ADAMTSL3: variants seen among roughly 807,000 people sequenced by gnomAD.
ADAMTSL3 encodes the protein ADAMTS like 3.
In ADAMTSL3, 128 loss-of-function variants were observed where a neutral mutation model predicts 201.7. The observed-to-expected ratio is 0.63, with a 90% CI of 0.55 to 0.73. ADAMTSL3 has a LOEUF of 0.73. Among genes scored for constraint, ADAMTSL3 ranks in the 30% least tolerant of loss-of-function variants. ADAMTSL3 has a pLI of 0.00. For synonymous variants in ADAMTSL3, 738 were observed against 748.4 expected (o/e 0.99, Z 0.23); for missense variants, 1,990 against 2,119.6 (o/e 0.94, Z 1.20).
intron 15 of ADAMTSL3, among the ~76,000 whole-genome samples, chr15:83,910,314 CCTTT>C (rs2065908159): frequency 1.3e-5 from 2 of 150,736 alleles, no homozygotes; most frequent in Admixed American, 6.6e-5. Flanking sequence ...TCAATGTATT[CCTTT>C]CTTTCTTTAA....
At chr15:83,733,163 C>T (rs572406767) in intron 3 of ADAMTSL3, among the ~76,000 whole-genome samples, 7 of 152,206 alleles carry the variant, frequency 4.6e-5, no homozygotes, top group Admixed American at 3.9e-4. Flanking sequence ...CCCTCCGAAA[C>T]AAAAATGAAC....
intron 2 of ADAMTSL3, among the ~76,000 whole-genome samples, chr15:83,692,664 C>T (rs868069913): frequency 1.2e-4 from 15 of 125,824 alleles, no homozygotes; most frequent in Middle Eastern, 0.01. Context: ...CCAGCCTGGG[C>T]GACAGAGCGA....
intron 17 of ADAMTSL3, among the ~76,000 whole-genome samples, chr15:83,939,723 C>G (rs4842925): frequency 1 from 152,036 of 152,048 alleles, 76,012 homozygotes; most frequent in Non-Finnish European, 1. Flanking sequence ...CTGGGTTCAA[C>G]CAGTTCTCAT....
chr15:83,679,171 T>C (rs1406079463), intron 2 of ADAMTSL3, among the ~76,000 whole-genome samples: 2 of 152,032 alleles, frequency 1.3e-5, no homozygotes, highest in East Asian at 3.8e-4. Flanking sequence ...TTCAGTTCTG[T>C]AATTTCTATT....
intron 2 of ADAMTSL3, among the ~76,000 whole-genome samples, chr15:83,698,547 G>C (rs1187026325): frequency 6.6e-6 from 1 of 152,146 alleles, no homozygotes; most frequent in Non-Finnish European, 1.5e-5. Context: ...ATCCAGGCTT[G>C]TTCCTCCTGC....
At chr15:83,862,135 A>G (rs2064876709) in intron 8 of ADAMTSL3, 1 of 152,226 alleles carries the variant, frequency 6.6e-6, no homozygotes, top group Admixed American at 6.5e-5. Context: ...GACCAAATCT[A>G]CGTCTGATTG....
chr15:83,797,399 G>A (rs147326145), intron 4 of ADAMTSL3, among the ~76,000 whole-genome samples: 13 of 152,178 alleles, frequency 8.5e-5, no homozygotes, highest in South Asian at 6.2e-4. Context: ...GATCACTTGC[G>A]GTCAGGAGTT....
intron 27 of ADAMTSL3, 81 bp from the exon 28 acceptor site, chr15:84,031,254 C>T: frequency 7.2e-7 from 1 of 1,385,182 alleles, no homozygotes; most frequent in South Asian, 1.2e-5. Context: ...CTTCAGCTAT[C>T]CTGCCTCAGT....
chr15:83,739,573 T>C (rs1454887009), intron 3 of ADAMTSL3, among the ~76,000 whole-genome samples: 1 of 151,698 alleles, frequency 6.6e-6, no homozygotes, highest in Non-Finnish European at 1.5e-5. Context: ...TCTTTTTACG[T>C]ATATGAAACT....
chr15:83,772,698 G>A (rs2141749382), intron 3 of ADAMTSL3, among the ~76,000 whole-genome samples: 1 of 136,490 alleles, frequency 7.3e-6, no homozygotes, highest in East Asian at 2.4e-4. Context: ...TTTCACTCAT[G>A]AGCACTTCTT....
intron 2 of ADAMTSL3, among the ~76,000 whole-genome samples, chr15:83,689,516 TA>T (rs2061584287): frequency 6.6e-6 from 1 of 152,238 alleles, no homozygotes. Context: ...TTCTGCTCAG[TA>T]TTGTAGTTTT....
At position 83,709,245 on chromosome 15, in the gene ADAMTSL3, G is replaced by A. The variant is rs149331423; in HGVS notation, c.189+4737G>A. Among the ~76,000 whole-genome samples, 6 of 152,112 alleles carry A rather than the reference G, an allele frequency of 3.9e-5. No homozygotes were observed. In the East Asian group the frequency reaches 1.2e-3, roughly 29 times the overall value. On this transcript the variant is annotated intron_variant, in intron 3 of 29. Transcript: ENST00000286744. ...AAGCCACAATTTTTTTTTGAAGCTTGAGTGAAACATTAACTGAAATTAAAA... is the reference window on the plus strand; with the variant it reads ...AAGCCACAATTTTTTTTTGAAGCTTAAGTGAAACATTAACTGAAATTAAAA...
rs528470391 is a variant in ADAMTSL3, at chr15:83,764,149, C to T, written c.190-9374C>T. Among the ~76,000 whole-genome samples, 16 of 152,324 alleles carry T rather than the reference C, an allele frequency of 1.1e-4. No individual in the cohort carries two copies. In the South Asian group the frequency reaches 3.3e-3, roughly 32 times the overall value. The stretch of plus-strand genomic sequence containing the variant: ...TGAACTTTGCATCTATGCTCTCCTC[C>T]TCCAGACACTGGTAAATCTAGTCTA... On this transcript the variant is annotated intron_variant, in intron 3 of 29. Transcript: ENST00000286744.
At chr15:83,813,535 G>A (rs2063728875) in intron 5 of ADAMTSL3, among the ~76,000 whole-genome samples, 2 of 152,234 alleles carry the variant, frequency 1.3e-5, no homozygotes, top group Admixed American at 6.5e-5. Context: ...CACTCCTGGT[G>A]TGCAGGAGAT....
intron 7 of ADAMTSL3, among the ~76,000 whole-genome samples, chr15:83,855,108 A>C (rs748172403): frequency 5.3e-5 from 8 of 152,268 alleles, no homozygotes; most frequent in African/African-American, 1.9e-4. Context: ...GTAATTGACA[A>C]CTTTGTTCTG....
At chr15:83,752,488 TAC>T (rs762265955) in intron 3 of ADAMTSL3, among the ~76,000 whole-genome samples, 8 of 151,324 alleles carry the variant, frequency 5.3e-5, no homozygotes, top group Admixed American at 1.3e-4. Context: ...TGCTTATGCA[TAC>T]ACACACACAC....
At position 83,913,206 on chromosome 15, in the gene ADAMTSL3, C is replaced by G. The variant is rs147313608; in HGVS notation, c.1815C>G (p.Pro605=). The G allele has an allele frequency of 4.3e-6, 7 of 1,613,932 alleles. No homozygotes were observed. Among genetic ancestry groups the G allele is most frequent in the East Asian group, 2.2e-5 (1 of 44,882 alleles). ...LTFTQTETEL[P]EEECEGPKLP... ...TCACGCAGACTGAGACTGAGCTGCCCGAGGAAGAGTGTGAAGGCCCCAAGC... is the reference window on the plus strand; with the variant it reads ...TCACGCAGACTGAGACTGAGCTGCCGGAGGAAGAGTGTGAAGGCCCCAAGC... Residue 605 remains proline, a synonymous_variant, in exon 16 of 30, where the codon CCC becomes CCG. Transcript: ENST00000286744.
chr15:83,808,070 A>G (rs1408191535), intron 5 of ADAMTSL3, among the ~76,000 whole-genome samples: 5 of 152,190 alleles, frequency 3.3e-5, no homozygotes, highest in African/African-American at 1.2e-4. Context: ...ATGACGTTGG[A>G]CTGGGTAAGG....
Position 83,886,464 on chromosome 15 carries a change from C to T in ADAMTSL3, c.1072+1252C>T, listed in dbSNP as rs574252047. 5.9e-5 allele frequency among the ~76,000 whole-genome samples: 9 copies of T among 152,318 alleles called. No individual in the cohort carries two copies. In the East Asian group the frequency reaches 1.7e-3, roughly 29 times the overall value. On this transcript the variant is annotated intron_variant, in intron 10 of 29. Coordinates refer to ENST00000286744, the MANE Select transcript of ADAMTSL3 (RefSeq NM_207517.3). ...ACACTTAGAAAGTGTAAAGAGCATA[C>T]AGTAGTATCTTGTTCAGCTAGTAAA...
Sources: allele counts gnomAD v4.1 joint callset (sites outside exome capture counted in the v4.1 genomes callset), GRCh38; gene constraint gnomAD v4.1.1; transcripts MANE v1.5; gene names NCBI Gene and HGNC (gene_info 2026-07-23, HGNC 2026-07-21).